Variants in CHST11 observed in about 807,000 individuals in gnomAD.
CHST11 encodes the protein carbohydrate sulfotransferase 11.
Under a neutral mutation model 30.4 loss-of-function variants are expected in CHST11, and 9 were observed. That is an observed-to-expected ratio of 0.30 (90% CI 0.18 to 0.52). CHST11 has a LOEUF of 0.52. Among genes scored for constraint, CHST11 ranks in the 20% least tolerant of loss-of-function variants. The pLI, the probability that CHST11 is intolerant of heterozygous loss-of-function variation, is 0.97. For missense variants in CHST11, 348 were observed against 460.6 expected, an observed-to-expected ratio of 0.76 and a Z score of 2.24; for synonymous variants, 152 against 187.8, an observed-to-expected ratio of 0.81 and a Z score of 1.56.
intron 1 of CHST11, among the ~76,000 whole-genome samples, chr12:104,533,698 A>T (rs2038207670): frequency 1.3e-5 from 2 of 152,260 alleles, no homozygotes; most frequent in African/African-American, 4.8e-5. Flanking sequence ...AGACACTTGG[A>T]GTCTTAGATG....
intron 2 of CHST11, among the ~76,000 whole-genome samples, chr12:104,726,881 G>A (rs747321120): frequency 4.1e-4 from 62 of 152,166 alleles, no homozygotes; most frequent in Non-Finnish European, 1.9e-4. Context: ...ACAGAATTCA[G>A]GGCCCTGAAA....
At chr12:104,713,142 T>C (rs1276903372) in intron 2 of CHST11, among the ~76,000 whole-genome samples, 2 of 152,200 alleles carry the variant, frequency 1.3e-5, no homozygotes, top group Admixed American at 1.3e-4. Context: ...GAATGCCTTG[T>C]AACCCAGCCT....
chr12:104,696,186 T>A (rs1319344338), intron 2 of CHST11, among the ~76,000 whole-genome samples: 1 of 152,048 alleles, frequency 6.6e-6, no homozygotes, highest in Non-Finnish European at 1.5e-5. Context: ...CCACCCTACC[T>A]TTTTTCTTTT....
intron 2 of CHST11, among the ~76,000 whole-genome samples, chr12:104,741,393 C>T (rs1412800999): frequency 3.3e-5 from 5 of 152,188 alleles, no homozygotes; most frequent in Non-Finnish European, 7.3e-5. Context: ...CATGCAGAAA[C>T]GAAAGGCCCA....
At chr12:104,505,897 A>G (rs2037899997) in intron 1 of CHST11, among the ~76,000 whole-genome samples, 1 of 152,224 alleles carries the variant, frequency 6.6e-6, no homozygotes, top group Non-Finnish European at 1.5e-5. Context: ...TGAAAGCATT[A>G]TCTCTGTGAT....
At chr12:104,560,685 A>G (rs1339894597) in intron 1 of CHST11, among the ~76,000 whole-genome samples, 9 of 152,182 alleles carry the variant, frequency 5.9e-5, no homozygotes, top group Non-Finnish European at 1.2e-4. Context: ...AACCTCTACA[A>G]GCTTAGTTTC....
chr12:104,713,217 G>A (rs576179445), intron 2 of CHST11, among the ~76,000 whole-genome samples: 27 of 152,178 alleles, frequency 1.8e-4, no homozygotes, highest in Non-Finnish European at 3.5e-4. Context: ...TTTCCACCCC[G>A]GGCCCTCCTC....
At chr12:104,667,396 T>C (rs1049231080) in intron 2 of CHST11, among the ~76,000 whole-genome samples, 2 of 152,166 alleles carry the variant, frequency 1.3e-5, no homozygotes, top group Admixed American at 1.3e-4. Context: ...TTGGTTTTGC[T>C]AGATACTGAT....
chr12:104,592,160 C>G (rs2038865640), intron 1 of CHST11, among the ~76,000 whole-genome samples: 1 of 148,280 alleles, frequency 6.7e-6, no homozygotes, highest in South Asian at 2.3e-4. Flanking sequence ...CTCTCCCTTA[C>G]TCTCCCTTTC....
chr12:104,579,293 T>A (rs1315354383), intron 1 of CHST11, among the ~76,000 whole-genome samples: 1 of 152,178 alleles, frequency 6.6e-6, no homozygotes. Context: ...AAGACTAGAC[T>A]TGGGTCCAAT....
intron 2 of CHST11, among the ~76,000 whole-genome samples, chr12:104,637,336 G>A (rs1408995393): frequency 1.9e-5 from 1 of 52,934 alleles, no homozygotes; most frequent in African/African-American, 9.8e-5. Flanking sequence ...AAAAAAAAAA[G>A]GGGGTTGGGG....
chr12:104,511,498 G>A (rs960288422), intron 1 of CHST11, among the ~76,000 whole-genome samples: 2 of 152,236 alleles, frequency 1.3e-5, no homozygotes, highest in African/African-American at 4.8e-5. Flanking sequence ...AGCAAATGCA[G>A]TTGACAGTCA....
At chr12:104,461,911 C>A (rs1425800481) in intron 1 of CHST11, among the ~76,000 whole-genome samples, 1 of 151,814 alleles carries the variant, frequency 6.6e-6, no homozygotes, top group Admixed American at 6.6e-5. Flanking sequence ...CACCTGTAAT[C>A]CCAGCACTTT....
Position 104,619,387 on chromosome 12 carries a change from C to T in CHST11, c.204+17396C>T, listed in dbSNP as rs116000559. 8.4e-3 allele frequency among the ~76,000 whole-genome samples: 1,285 copies of T among 152,278 alleles called. 23 individuals carry two copies. Among genetic ancestry groups the T allele is most frequent in the African/African-American group, 0.029 (1,210 of 41,564 alleles). ...TTTTTTTTAATTTTCCGGACACACA[C>T]AAAAATGTTAGGAGGCTGCTTTTAG... On this transcript the variant is annotated intron_variant, in intron 2 of 2. Transcript: ENST00000303694.
intron 2 of CHST11, among the ~76,000 whole-genome samples, chr12:104,637,562 G>A (rs1257583738): frequency 1.3e-5 from 2 of 152,120 alleles, no homozygotes; most frequent in African/African-American, 4.8e-5. Context: ...ATCTGTGTGA[G>A]ACCTTTCTAT....
At chr12:104,566,848 C>A (rs1050254801) in intron 1 of CHST11, among the ~76,000 whole-genome samples, 1 of 151,992 alleles carries the variant, frequency 6.6e-6, no homozygotes, top group Admixed American at 6.6e-5. Flanking sequence ...CTGAATGGAA[C>A]CTTAGAATCT....
chr12:104,665,617 G>T (rs2039634652), intron 2 of CHST11, among the ~76,000 whole-genome samples: 1 of 151,940 alleles, frequency 6.6e-6, no homozygotes, highest in Non-Finnish European at 1.5e-5. Flanking sequence ...GGTACATCAT[G>T]TTCAATAAAT....
chr12:104,617,744 G>C (rs988324159), intron 2 of CHST11, among the ~76,000 whole-genome samples: 1 of 152,148 alleles, frequency 6.6e-6, no homozygotes, highest in African/African-American at 2.4e-5. Flanking sequence ...TTTGGTGTCA[G>C]TTTTCTAATC....
At chr12:104,615,228 G>A (rs1189850749) in intron 2 of CHST11, among the ~76,000 whole-genome samples, 1 of 152,194 alleles carries the variant, frequency 6.6e-6, no homozygotes, top group East Asian at 1.9e-4. Context: ...TCTTAAATCA[G>A]GGACTTGAAG....
Sources: allele counts gnomAD v4.1 joint callset (sites outside exome capture counted in the v4.1 genomes callset), GRCh38; gene constraint gnomAD v4.1.1; transcripts MANE v1.5; gene names NCBI Gene and HGNC (gene_info 2026-07-23, HGNC 2026-07-21).